The following FCRL2 variants were observed in gnomAD, a reference collection of about 807,000 sequenced individuals.
The protein encoded by FCRL2 is Fc receptor-like protein 2.
A neutral mutation model predicts 59.8 loss-of-function variants in FCRL2; 48 were observed. The observed-to-expected ratio is 0.80, with a 90% CI of 0.64 to 1.02. The LOEUF (loss-of-function observed/expected upper bound fraction) is 1.02. Among genes scored for constraint, FCRL2 ranks in the 50% least tolerant of loss-of-function variants. The probability of loss-of-function intolerance (pLI) is 0.00; values close to 1 mark genes in which losing one functional copy is unlikely to be tolerated. For missense variants in FCRL2, 658 were observed against 597.3 expected (o/e 1.10, Z -1.06); for synonymous variants, 251 against 229.5 (o/e 1.09, Z -0.85).
At chr1:157,761,065 C>T (rs934306852) in intron 7 of FCRL2, among the ~76,000 whole-genome samples, 5 of 152,148 alleles carry the variant, frequency 3.3e-5, no homozygotes, top group Admixed American at 6.5e-5. Flanking sequence ...TGTAAGAAAG[C>T]GTTTTACAAA....
intron 2 of FCRL2, among the ~76,000 whole-genome samples, chr1:157,774,643 A>G (rs1223395109): frequency 6.6e-6 from 1 of 152,192 alleles, no homozygotes; most frequent in Non-Finnish European, 1.5e-5. Context: ...CTGAATATTG[A>G]TCGAGGTTTC....
Position 157,767,494 on chromosome 1 carries a change from G to C in FCRL2, c.899C>G (p.Pro300Arg), listed in dbSNP as rs1263289686. Reference protein sequence around the residue: ...NIPVRIPVSRPVLTLRSPGAQ... With the variant: ...NIPVRIPVSRRVLTLRSPGAQ... The stretch of plus-strand genomic sequence containing the variant: ...CCCAGGAGACCTGAGGGTGAGGACA[G>C]GGCGAGACACTGGAACTGACAGACA... The change falls in exon 6 of 12, where the codon CCT becomes CGT. Residue 300 changes from proline to arginine, a missense_variant. Pro to Arg is a moderately radical substitution (Grantham distance 103, BLOSUM62 -2). Transcript: ENST00000361516. 7 of 1,614,130 alleles carry C rather than the reference G, an allele frequency of 4.3e-6. No individual in the cohort carries two copies. Among genetic ancestry groups the C allele is most frequent in the Non-Finnish European group, 5.9e-6 (7 of 1,180,052 alleles).
intron 7 of FCRL2, among the ~76,000 whole-genome samples, chr1:157,755,713 T>C (rs978152996): frequency 7.2e-5 from 11 of 152,218 alleles, no homozygotes; most frequent in Non-Finnish European, 1.3e-4. Context: ...TCTATACATA[T>C]TTATATCAAA....
In FCRL2 at chr1:157,769,978, C is replaced by A; in HGVS notation, c.483G>T (p.Glu161Asp). ...VLGSGWSSSP[E>D]LQISAVWSED... ...CACTCCACACGGCAGAAATCTGGAG[C>A]TCCGGAGAGCTGCTCCAGCCTGACC... The change falls in exon 4 of 12, where the codon GAG (glutamate) becomes GAT (aspartate). Residue 161 changes from glutamate (E) to aspartate (D), a missense_variant. By Grantham distance (45) the Glu-to-Asp change is conservative. Coordinates refer to ENST00000361516, the MANE Select transcript of FCRL2 (RefSeq NM_030764.4). The A allele has an allele frequency of 6.2e-7, 1 of 1,614,204 alleles. No individual in the cohort carries two copies. Among genetic ancestry groups the A allele is most frequent in the Non-Finnish European group, 8.5e-7 (1 of 1,180,034 alleles).
Position 157,748,931 on chromosome 1 carries a change from A to T in FCRL2, c.1337T>A (p.Phe446Tyr). ...RGASRPNPQE[F>Y]TYSSPTPDME... is the part of the protein sequence containing the mutation. ...GTCTGGGGTTGGGCTTGAATAGGTGAACTCTTGAGGATTTGGCCTGGAAGC... is the reference window on the plus strand; with the variant it reads ...GTCTGGGGTTGGGCTTGAATAGGTGTACTCTTGAGGATTTGGCCTGGAAGC... Residue 446 changes from phenylalanine to tyrosine, a missense_variant, in exon 9 of 12, where the codon TTC (phenylalanine) becomes TAC (tyrosine). Phe to Tyr is a conservative substitution (Grantham distance 22). Coordinates refer to ENST00000361516, the MANE Select transcript of FCRL2 (RefSeq NM_030764.4). 1 of 1,613,980 alleles carries T rather than the reference A, an allele frequency of 6.2e-7. No individual in the cohort carries two copies. The highest frequency in any genetic ancestry group is 8.5e-7 in the Non-Finnish European group (1 of 1,179,936).
At chr1:157,759,298 C>T (rs1648846685) in intron 7 of FCRL2, among the ~76,000 whole-genome samples, 1 of 152,172 alleles carries the variant, frequency 6.6e-6, no homozygotes, top group Non-Finnish European at 1.5e-5. Context: ...ATTACCCAGT[C>T]TTGAGTATTT....
chr1:157,774,942 T>A lies in FCRL2; in HGVS notation c.52+833A>T, dbSNP rs75594092. ...TCTTTAGATTTTGTCTTGGCTCATG[T>A]GAAGATTCTGTATATAGAATAAAAT... is the stretch of plus-strand genomic sequence containing the variant. On this transcript the variant is annotated intron_variant, in intron 2 of 11. Coordinates refer to ENST00000361516, the MANE Select transcript of FCRL2 (RefSeq NM_030764.4). 2.4e-4 allele frequency among the ~76,000 whole-genome samples: 37 copies of A among 152,328 alleles called. No homozygotes were observed. In the East Asian group the frequency reaches 7.1e-3, roughly 29 times the overall value.
intron 2 of FCRL2, among the ~76,000 whole-genome samples, chr1:157,772,477 C>T (rs940575877): frequency 2.6e-5 from 4 of 152,244 alleles, no homozygotes; most frequent in Non-Finnish European, 2.9e-5. Flanking sequence ...CAGGGTGAGC[C>T]GGCTTGCAGC....
chr1:157,753,288 T>C (rs545686396), intron 7 of FCRL2, among the ~76,000 whole-genome samples: 22 of 152,278 alleles, frequency 1.4e-4, no homozygotes, highest in Admixed American at 3.9e-4. Context: ...CCCACAAAAC[T>C]GCCCCCAACC....
intron 7 of FCRL2, among the ~76,000 whole-genome samples, chr1:157,751,590 G>T (rs1648189639): frequency 6.6e-6 from 1 of 152,170 alleles, no homozygotes. Context: ...TTTACAGGTG[G>T]GTGCAATGGT....
intron 10 of FCRL2, among the ~76,000 whole-genome samples, chr1:157,747,986 C>A (rs1318706808): frequency 1.3e-5 from 2 of 152,108 alleles, no homozygotes; most frequent in Non-Finnish European, 2.9e-5. Flanking sequence ...CTATCTAACC[C>A]GATTCAAATG....
At chr1:157,775,374 T>G (rs974300913) in intron 2 of FCRL2, among the ~76,000 whole-genome samples, 3 of 152,236 alleles carry the variant, frequency 2.0e-5, no homozygotes, top group African/African-American at 7.2e-5. Flanking sequence ...TGCAGAAGTT[T>G]GTAGTTCTGA....
intron 5 of FCRL2, 51 bp from the exon 6 acceptor site, chr1:157,767,560 T>A (rs1255603857): frequency 6.2e-7 from 1 of 1,614,230 alleles, no homozygotes; most frequent in South Asian, 1.1e-5. Context: ...CCTCAATAGA[T>A]TCACAAACTC....
intron 7 of FCRL2, among the ~76,000 whole-genome samples, chr1:157,756,535 C>T (rs1464162413): frequency 1.3e-5 from 2 of 152,074 alleles, no homozygotes; most frequent in Non-Finnish European, 2.9e-5. Context: ...AAAAAATTAG[C>T]AAGGCATGGC....
intron 7 of FCRL2, among the ~76,000 whole-genome samples, chr1:157,764,998 T>TA (rs1336873987): frequency 2.0e-5 from 3 of 151,170 alleles, no homozygotes; most frequent in Non-Finnish European, 3.0e-5. Context: ...AAATAGAGAC[T>TA]AAAAAAAATA....
chr1:157,749,380 G>A (rs1054294326), intron 8 of FCRL2, among the ~76,000 whole-genome samples: 5 of 151,778 alleles, frequency 3.3e-5, no homozygotes, highest in African/African-American at 7.3e-5. Context: ...TACATTATAG[G>A]TATTCAATAA....
At chr1:157,767,039 T>C in intron 6 of FCRL2, 68 bp from the exon 7 acceptor site, 3 of 1,407,002 alleles carry the variant, frequency 2.1e-6, no homozygotes, top group Non-Finnish European at 3.0e-6. Flanking sequence ...AAATGCTATA[T>C]AGGGATGTTA....
chr1:157,766,287 T>C (rs12089900), intron 7 of FCRL2, among the ~76,000 whole-genome samples: 2,604 of 152,208 alleles, frequency 0.017, 66 homozygotes, highest in African/African-American at 0.058. Flanking sequence ...CTGGCTAACA[T>C]GGTGAAACCC....
intron 7 of FCRL2, among the ~76,000 whole-genome samples, chr1:157,760,687 GA>G (rs1222879335): frequency 3.1e-5 from 4 of 128,242 alleles, no homozygotes; most frequent in Admixed American, 7.9e-5. Context: ...AGGAAAGAAA[GA>G]AAGAAAGAAG....
Sources: allele counts gnomAD v4.1 joint callset (sites outside exome capture counted in the v4.1 genomes callset), GRCh38; gene constraint gnomAD v4.1.1; transcripts MANE v1.5; gene names NCBI Gene and HGNC (gene_info 2026-07-23, HGNC 2026-07-21).